Variants in FAM53A observed in about 807,000 individuals in gnomAD.
FAM53A encodes protein FAM53A.
A neutral mutation model predicts 26.6 loss-of-function variants in FAM53A; 28 were observed. That is an observed-to-expected ratio of 1.05 (90% CI 0.78 to 1.45). The LOEUF (loss-of-function observed/expected upper bound fraction) is 1.45, where lower values mean the gene tolerates loss of function less well. FAM53A is among the 40% of genes most tolerant of loss of function. FAM53A has a pLI of 0.00. For missense variants in FAM53A, 650 were observed against 575.8 expected (o/e 1.13, Z -1.32); for synonymous variants, 290 against 253.1 (o/e 1.15, Z -1.38).
At chr4:1,617,308 G>A (rs953693094), downstream of FAM53A, among the ~76,000 whole-genome samples, 2 of 152,056 alleles carry the variant, frequency 1.3e-5, no homozygotes, top group East Asian at 1.9e-4. Flanking sequence ...AGCTATTTAT[G>A]GTGTTTCTGA....
At chr4:1,682,834 C>G (rs1715545530) in intron 1 of FAM53A, among the ~76,000 whole-genome samples, 1 of 152,102 alleles carries the variant, frequency 6.6e-6, no homozygotes, top group African/African-American at 2.4e-5. Context: ...TTATATACTT[C>G]AAGTGGTAAC....
the FAM53A span, among the ~76,000 whole-genome samples, chr4:1,607,580 C>T: frequency 6.6e-6 from 1 of 151,270 alleles, no homozygotes; most frequent in African/African-American, 2.4e-5. Flanking sequence ...GTGAGGCCGC[C>T]CCCCCACCAC....
chr4:1,595,769 A>AT, the FAM53A span, among the ~76,000 whole-genome samples: 17 of 152,344 alleles, frequency 1.1e-4, no homozygotes, highest in Non-Finnish European at 2.4e-4. Context: ...AACTCAGTCC[A>AT]GGCACCAGCT....
chr4:1,601,943 G>A, the FAM53A span, among the ~76,000 whole-genome samples: 2 of 149,798 alleles, frequency 1.3e-5, no homozygotes, highest in East Asian at 4.0e-4. Flanking sequence ...GAGGTGGGAC[G>A]GTGGAGGTGG....
At chr4:1,628,008 C>G (rs943449655) in intron 1 of FAM53A, among the ~76,000 whole-genome samples, 1 of 139,670 alleles carries the variant, frequency 7.2e-6, no homozygotes, top group Non-Finnish European at 1.6e-5. Flanking sequence ...TGGGGTCAAC[C>G]CACATGCACC....
chr4:1,618,180 G>A (rs955993204), intron 1 of FAM53A: 9 of 455,960 alleles, frequency 2.0e-5, no homozygotes, highest in Non-Finnish European at 2.6e-5. Flanking sequence ...GACAGGGCAC[G>A]TGCTGCCTCG....
At chr4:1,634,661 G>T (rs1278321999) in intron 1 of FAM53A, among the ~76,000 whole-genome samples, 3 of 152,160 alleles carry the variant, frequency 2.0e-5, no homozygotes, top group African/African-American at 7.2e-5. Flanking sequence ...ACTTTGGGAG[G>T]CCAAGGTGGG....
the FAM53A span, among the ~76,000 whole-genome samples, chr4:1,601,955 C>A: frequency 2.9e-5 from 4 of 138,344 alleles, 1 homozygote; most frequent in African/African-American, 1.1e-4. Flanking sequence ...TGGAGGTGGG[C>A]CGGGGGAGAT....
chr4:1,588,947 T>C, the FAM53A span, among the ~76,000 whole-genome samples: 5 of 152,352 alleles, frequency 3.3e-5, no homozygotes, highest in Non-Finnish European at 5.9e-5. Context: ...ATGATGGCAG[T>C]GTGTTCCTCC....
At chr4:1,611,404 C>G in the FAM53A span, among the ~76,000 whole-genome samples, 1 of 152,200 alleles carries the variant, frequency 6.6e-6, no homozygotes, top group East Asian at 1.9e-4. Context: ...CCCTCAGACC[C>G]AGCTCAGGCC....
intron 4 of FAM53A, among the ~76,000 whole-genome samples, chr4:1,651,929 C>T (rs1001015123): frequency 2.0e-5 from 3 of 151,836 alleles, no homozygotes; most frequent in Non-Finnish European, 2.9e-5. Context: ...AGAGAGAAAC[C>T]AGGCACCCAC....
rs561036290 is a variant in FAM53A at position 1,653,290 on chromosome 4, AC to A, written c.882+1687del. ...CCACACCTCACACTCTACCGGGGGT[AC>A]CCCATGTCCACACTGAGCCCCATGC... On this transcript the variant is annotated intron_variant, in intron 4 of 4. Coordinates refer to ENST00000308132, the MANE Select transcript of FAM53A (RefSeq NM_001174070.3). Among the ~76,000 whole-genome samples, 398 of 152,202 alleles carry A rather than the reference AC, an allele frequency of 2.6e-3. 1 individual carries two copies. The highest frequency in any genetic ancestry group is 4.2e-3 in the Non-Finnish European group (287 of 67,996).
chr4:1,575,336 C>T, the FAM53A span, among the ~76,000 whole-genome samples: 2 of 152,210 alleles, frequency 1.3e-5, no homozygotes, highest in Non-Finnish European at 2.9e-5. Context: ...CCACCCTGTG[C>T]CCGAGTTGGC....
intron 1 of FAM53A, among the ~76,000 whole-genome samples, chr4:1,672,975 G>T (rs1241126966): frequency 1.3e-5 from 2 of 152,016 alleles, no homozygotes; most frequent in African/African-American, 4.8e-5. Flanking sequence ...TCGCCATGTT[G>T]GCCAGGCTGG....
the FAM53A span, among the ~76,000 whole-genome samples, chr4:1,605,290 C>A: frequency 6.6e-6 from 1 of 152,166 alleles, no homozygotes; most frequent in Non-Finnish European, 1.5e-5. This position sits in a 1 kb window ranked among gnomAD's most constrained non-coding sequence, Gnocchi z 5.7. Context: ...GAACTCCCAG[C>A]GCAGCCTCCC....
chr4:1,676,497 C>A (rs1340549253), intron 1 of FAM53A, among the ~76,000 whole-genome samples: 1 of 152,136 alleles, frequency 6.6e-6, no homozygotes, highest in Non-Finnish European at 1.5e-5. Flanking sequence ...CTCACTCAAC[C>A]CCTAAAACAA....
intron 1 of FAM53A, among the ~76,000 whole-genome samples, chr4:1,623,782 G>A (rs1379729714): frequency 3.3e-5 from 5 of 152,246 alleles, no homozygotes; most frequent in Admixed American, 2.6e-4. Context: ...GGCTGCTAAT[G>A]AAAATATCAA....
chr4:1,632,713 A>G (rs997234847), intron 1 of FAM53A, among the ~76,000 whole-genome samples: 2 of 152,270 alleles, frequency 1.3e-5, no homozygotes, highest in Non-Finnish European at 2.9e-5. Flanking sequence ...GCACGTGGGC[A>G]GTTTGCACGC....
the FAM53A span, among the ~76,000 whole-genome samples, chr4:1,586,033 A>T: frequency 6.6e-6 from 1 of 152,150 alleles, no homozygotes; most frequent in African/African-American, 2.4e-5. Context: ...CACCTCACCC[A>T]GCTTCCTTCT....
Sources: gnomAD v4.1 joint callset for allele counts (sites outside exome capture counted in the v4.1 genomes callset) on GRCh38, gnomAD v4.1.1 for gene constraint, Gnocchi (gnomAD v3.1) non-coding constraint, MANE v1.5 for transcripts, NCBI Gene and HGNC (gene_info 2026-07-23, HGNC 2026-07-21) for gene names.